Variants in MAD1L1 observed in about 807,000 individuals in gnomAD.
MAD1L1 encodes the protein mitotic arrest deficient 1 like 1, also known as mitotic spindle assembly checkpoint protein MAD1.
MAD1L1 carries 95 observed loss-of-function variants against 96.9 expected under a neutral mutation model. The observed-to-expected ratio is 0.98, with a 90% confidence interval of 0.83 to 1.16. The LOEUF is 1.16. Among genes scored for constraint, MAD1L1 ranks in the 50% most tolerant of loss-of-function variants. The pLI is 0.00. For missense variants in MAD1L1, 1,007 were observed against 954.4 expected (o/e 1.06, Z -0.73); for synonymous variants, 473 against 396.6 (o/e 1.19, Z -2.29).
At chr7:1,891,771 G>T (rs1425231861) in intron 18 of MAD1L1, among the ~76,000 whole-genome samples, 1 of 152,122 alleles carries the variant, frequency 6.6e-6, no homozygotes, top group Admixed American at 6.5e-5. Flanking sequence ...TGTAGACACA[G>T]GGTCTTGCTA....
chr7:2,028,200 C>A (rs572156644), intron 12 of MAD1L1, among the ~76,000 whole-genome samples: 2 of 151,866 alleles, frequency 1.3e-5, no homozygotes, highest in African/African-American at 4.8e-5. Context: ...CCGAGGCAGG[C>A]GGATTACGAG....
Position 2,219,313 on chromosome 7 carries a change from AC to A in MAD1L1, c.596+18del. 1.3e-6 allele frequency: 2 copies of A among 1,547,034 alleles called. No individual in the cohort carries two copies. Among genetic ancestry groups the A allele is most frequent in the Non-Finnish European group, 1.7e-6 (2 of 1,147,924 alleles). ...CACACGTGACCCGACCCCCGACCCCACACCCTGGCCCCGCCCACTTGTGTTG... is the reference window on the plus strand; with the variant it reads ...CACACGTGACCCGACCCCCGACCCCAACCCTGGCCCCGCCCACTTGTGTTG... On this transcript the variant is annotated intron_variant, in intron 6 of 18. Transcript: ENST00000265854.
chr7:2,211,317 A>T (rs1240714168), intron 10 of MAD1L1, among the ~76,000 whole-genome samples: 2 of 152,186 alleles, frequency 1.3e-5, no homozygotes, highest in Non-Finnish European at 2.9e-5. Context: ...CCCCCAGGCC[A>T]GCTCGCCCTC....
intron 11 of MAD1L1, among the ~76,000 whole-genome samples, chr7:2,118,989 G>A (rs1005717003): frequency 5.9e-5 from 9 of 152,010 alleles, no homozygotes; most frequent in East Asian, 1.9e-4. Flanking sequence ...AGCTCCACAC[G>A]CCCAGCTGCC....
chr7:2,216,421 CGTTCTGGGAAAGG>C, intron 7 of MAD1L1, 134 bp from the exon 8 acceptor site: 7 of 865,768 alleles, frequency 8.1e-6, no homozygotes, highest in Non-Finnish European at 1.2e-5. Flanking sequence ...AACCACAGGA[CGTTCTGGGAAAGG>C]AAGGGGTTGT....
At chr7:1,838,690 G>A (rs1400695453) in intron 18 of MAD1L1, 1 of 454,950 alleles carries the variant, frequency 2.2e-6, no homozygotes, top group Non-Finnish European at 4.7e-6. Context: ...ATGGCTATGG[G>A]GCACGTTTCC....
At chr7:1,926,159 T>C (rs979366654) in intron 17 of MAD1L1, among the ~76,000 whole-genome samples, 2 of 152,168 alleles carry the variant, frequency 1.3e-5, no homozygotes, top group Non-Finnish European at 2.9e-5. Context: ...ATCACAGATA[T>C]AATGAACCAG....
rs1481320400 is a variant in MAD1L1, at chr7:2,146,862, G to GC, written c.1073+2289_1073+2290insG. ...CCCTGACCCCGCCACGGCAGGCCGC[G>GC]ACGAACACGGTGTCCCGCCACGGAA... On this transcript the variant is annotated intron_variant, in intron 11 of 18. Transcript: ENST00000265854. The surrounding 1 kb of genome is among the most constrained non-coding windows in gnomAD (Gnocchi z 6.2). Among the ~76,000 whole-genome samples, 1 of 152,188 alleles carries GC rather than the reference G, an allele frequency of 6.6e-6. No homozygotes were observed. Among genetic ancestry groups the GC allele is most frequent in the African/African-American group, 2.4e-5 (1 of 41,444 alleles).
intron 18 of MAD1L1, among the ~76,000 whole-genome samples, chr7:1,825,471 C>T (rs1394753379): frequency 1.3e-5 from 2 of 152,254 alleles, no homozygotes; most frequent in East Asian, 3.8e-4. Context: ...GGTCAGGTGG[C>T]CACAGCAGAG....
At chr7:1,884,014 G>T (rs1785850258) in intron 18 of MAD1L1, among the ~76,000 whole-genome samples, 2 of 152,022 alleles carry the variant, frequency 1.3e-5, no homozygotes, top group Non-Finnish European at 2.9e-5. Flanking sequence ...GCCAGCTGGG[G>T]ACTCCCCAGC....
intron 10 of MAD1L1, among the ~76,000 whole-genome samples, chr7:2,208,553 G>A (rs1023224722): frequency 1.3e-5 from 2 of 152,172 alleles, no homozygotes; most frequent in African/African-American, 4.8e-5. Context: ...GCTGGTTGAG[G>A]AAGTTCTCTT....
chr7:2,209,751 AG>A (rs935797635), intron 10 of MAD1L1, among the ~76,000 whole-genome samples: 1 of 152,180 alleles, frequency 6.6e-6, no homozygotes, highest in African/African-American at 2.4e-5. Context: ...AGCAGACGCC[AG>A]CCCACCCGGC....
At chr7:1,853,097 C>T (rs1784064003) in intron 18 of MAD1L1, among the ~76,000 whole-genome samples, 1 of 152,098 alleles carries the variant, frequency 6.6e-6, no homozygotes, top group Non-Finnish European at 1.5e-5. Context: ...CCGGGAGAGC[C>T]AGGGAGAGCC....
chr7:1,817,317 C>T (rs1471215297), intron 18 of MAD1L1: 9 of 152,206 alleles, frequency 5.9e-5, no homozygotes, highest in Admixed American at 5.9e-4. Flanking sequence ...CAGCACCCGC[C>T]CGGGCGCGCA....
intron 16 of MAD1L1, among the ~76,000 whole-genome samples, chr7:1,949,816 C>T (rs1014511358): frequency 1.3e-5 from 2 of 152,224 alleles, no homozygotes; most frequent in East Asian, 1.9e-4. Flanking sequence ...GCACCCCGTG[C>T]GGGGCACTTG....
At chr7:1,939,933 G>C (rs879337590) in intron 16 of MAD1L1, among the ~76,000 whole-genome samples, 1 of 152,228 alleles carries the variant, frequency 6.6e-6, no homozygotes, top group Non-Finnish European at 1.5e-5. Context: ...CTCCAACAGG[G>C]AGAGAGGAGA....
chr7:1,887,752 T>C (rs565643181), intron 18 of MAD1L1, among the ~76,000 whole-genome samples: 204 of 150,648 alleles, frequency 1.4e-3, no homozygotes, highest in Middle Eastern at 3.5e-3. Flanking sequence ...TGTGCATGTG[T>C]CCATGTGTGC....
intron 10 of MAD1L1, among the ~76,000 whole-genome samples, chr7:2,210,283 C>T (rs897716879): frequency 6.6e-6 from 1 of 152,128 alleles, no homozygotes. Flanking sequence ...GTTCCCCAGG[C>T]TGATCTCAAA....
rs368704060 is a variant in MAD1L1, at chr7:1,877,743, A to T, written c.1998+20457T>A. 4.0e-3 allele frequency among the ~76,000 whole-genome samples: 616 copies of T among 152,308 alleles called. 3 individuals are homozygous for T. Among genetic ancestry groups the T allele is most frequent in the African/African-American group, 0.014 (583 of 41,576 alleles). On this transcript the variant is annotated intron_variant, in intron 18 of 18. Transcript: ENST00000265854. Reference sequence around the variant, plus strand: ...TAAGAAAGCAGGAGTGGCTATATTAATATTACTCAAGTCAGACTTCAGAAC... The same window carrying T: ...TAAGAAAGCAGGAGTGGCTATATTATTATTACTCAAGTCAGACTTCAGAAC...
Sources: gnomAD v4.1 joint callset for allele counts (sites outside exome capture counted in the v4.1 genomes callset) on GRCh38, gnomAD v4.1.1 for gene constraint, Gnocchi (gnomAD v3.1) non-coding constraint, MANE v1.5 for transcripts, NCBI Gene and HGNC (gene_info 2026-07-23, HGNC 2026-07-21) for gene names.